NPC1L1: variants seen among roughly 807,000 people sequenced by gnomAD.
The protein encoded by NPC1L1 is NPC1 like intracellular cholesterol transporter 1.
A neutral mutation model predicts 117.0 loss-of-function variants in NPC1L1; 98 were observed. The observed-to-expected ratio is 0.84, with a 90% CI of 0.71 to 0.99. The LOEUF (loss-of-function observed/expected upper bound fraction) is 0.99, where lower values mean the gene tolerates loss of function less well. NPC1L1 is among the 50% of genes least tolerant of loss of function. The probability of loss-of-function intolerance (pLI) is 0.00; values close to 1 mark genes in which losing one functional copy is unlikely to be tolerated. For missense variants in NPC1L1, 1,540 were observed against 1,710.0 expected, an observed-to-expected ratio of 0.90 and a Z score of 1.75; for synonymous variants, 729 against 727.6, an observed-to-expected ratio of 1.00 and a Z score of -0.03.
rs1585155210 is a variant in NPC1L1 at position 44,540,193 on chromosome 7, A to G, written c.204T>C (p.Gly68=). Residue 68 remains glycine, a synonymous_variant, in exon 2 of 19, where the codon GGT becomes GGC. Transcript: ENST00000381160. ...TCTTCTGTAATAGGATCAGGTGATC[A>G]CCTGTGATCTTGCGGGCCGGCGTGT... ...LSNTPARKIT[G]DHLILLQKIC... 1 of 1,613,946 alleles carries G rather than the reference A, an allele frequency of 6.2e-7. No individual in the cohort carries two copies. Among genetic ancestry groups the G allele is most frequent in the East Asian group, 2.2e-5 (1 of 44,860 alleles).
chr7:44,526,423 C>T (rs1405643259), intron 10 of NPC1L1, among the ~76,000 whole-genome samples: 1 of 151,538 alleles, frequency 6.6e-6, no homozygotes, highest in East Asian at 1.9e-4. Flanking sequence ...GAGGCATGCA[C>T]CTGTAATCCC....
At position 44,539,445 on chromosome 7, in the gene NPC1L1, C is replaced by T. The variant is rs756946664; in HGVS notation, c.952G>A (p.Asp318Asn). The T allele has an allele frequency of 6.2e-7, 1 of 1,613,986 alleles. No individual in the cohort carries two copies. The highest frequency in any genetic ancestry group is 1.7e-5 in the Admixed American group (1 of 60,022). The change falls in exon 2 of 19, where the codon GAC becomes AAC. Residue 318 changes from aspartate to asparagine, a missense_variant. Physicochemically the swap from Asp to Asn is conservative, Grantham distance 23. Transcript: ENST00000381160. This position sits in a 1 kb window ranked among gnomAD's most constrained non-coding sequence, Gnocchi z 4.4. ...APARDKSKMV[D>N]PKKGTSLSDK... Reference sequence around the variant, plus strand: ...GAGAGGCTGGTGCCCTTCTTGGGGTCCACCATCTTGCTTTTGTCCCTGGCG... The same window carrying T: ...GAGAGGCTGGTGCCCTTCTTGGGGTTCACCATCTTGCTTTTGTCCCTGGCG...
Position 44,538,674 on chromosome 7 carries a change from G to T in NPC1L1, c.1580+143C>A. 1.2e-6 allele frequency: 1 copy of T among 813,306 alleles called. No homozygotes were observed. The highest frequency in any genetic ancestry group is 2.1e-6 in the Non-Finnish European group (1 of 484,080). 50.4% of individuals were successfully genotyped at this position (813,306 alleles called of 1,614,324 possible). ...GGACGAGGGGCAGAGATAATCATCT[G>T]GGCGGCCCCAGGCCAGAGCCGTAGG... On this transcript the variant is annotated intron_variant, in intron 2 of 18. Transcript: ENST00000381160. This position sits in a 1 kb window ranked among gnomAD's most constrained non-coding sequence, Gnocchi z 5.9.
rs1294579192 is a variant in NPC1L1 at position 44,513,279 on chromosome 7, T to A, written c.*168A>T. On this transcript the variant is annotated 3_prime_UTR_variant, in exon 19 of 19. Coordinates refer to ENST00000381160, the MANE Select transcript of NPC1L1 (RefSeq NM_001101648.2). ...ATGGGAGCAGAGGAGCCATCAGTGG[T>A]GCTGCCTGGATACCTCAAGAGCAGG... 4 of 689,982 alleles carry A rather than the reference T, an allele frequency of 5.8e-6. No homozygotes were observed. The highest frequency in any genetic ancestry group is 1.0e-5 in the Non-Finnish European group (4 of 388,558). 42.7% of individuals were successfully genotyped at this position (689,982 alleles called of 1,614,324 possible). A position where few individuals can be genotyped will look rare whatever the true frequency, so the allele number is the denominator to read the frequency against.
Position 44,536,771 on chromosome 7 carries a change from C to T in NPC1L1, c.1681+71G>A. 1 of 1,378,180 alleles carries T rather than the reference C, an allele frequency of 7.3e-7. No homozygotes were observed. Among genetic ancestry groups the T allele is most frequent in the East Asian group, 2.3e-5 (1 of 43,254 alleles). 85.4% of individuals were successfully genotyped at this position (1,378,180 alleles called of 1,614,324 possible). ...GCGAGAATCCCCAGCACCACTCCCA[C>T]CCTCCCGTCTATGGTTCCTGCCCCA... On this transcript the variant is annotated intron_variant, in intron 3 of 18. Transcript: ENST00000381160. The surrounding 1 kb of genome is among the most constrained non-coding windows in gnomAD (Gnocchi z 4.7).
Position 44,534,599 on chromosome 7 carries a change from C to T in NPC1L1, c.2014G>A (p.Gly672Arg), listed in dbSNP as rs755881757. 4.3e-5 allele frequency: 69 copies of T among 1,613,990 alleles called. No homozygotes were observed. The highest frequency in any genetic ancestry group is 5.4e-5 in the Non-Finnish European group (64 of 1,179,994). Residue 672 changes from glycine to arginine, a missense_variant, in exon 6 of 19, where the codon GGG (glycine) becomes AGG (arginine). By Grantham distance (125) the Gly-to-Arg change is moderately radical. Transcript: ENST00000381160. This position sits in a 1 kb window ranked among gnomAD's most constrained non-coding sequence, Gnocchi z 5.2. Reference sequence around the variant, plus strand: ...ACTGCTCCCAGGACCACGGCCACCCCGCCGAGGCCCAGCGTGGCCTTGGAG... The same window carrying T: ...ACTGCTCCCAGGACCACGGCCACCCTGCCGAGGCCCAGCGTGGCCTTGGAG... Reference protein sequence around the residue: ...VDSKATLGLGGVAVVLGAVMA... With the variant: ...VDSKATLGLGRVAVVLGAVMA...
chr7:44,533,804 G>C lies in NPC1L1; in HGVS notation c.2216C>G (p.Ala739Gly), dbSNP rs1442087641. 3 of 1,613,870 alleles carry C rather than the reference G, an allele frequency of 1.9e-6. No homozygotes were observed. Among genetic ancestry groups the C allele is most frequent in the South Asian group, 1.1e-5 (1 of 91,006 alleles). ...GEPREVHIGR[A>G]LGRVAPSMLL... Reference sequence around the variant, plus strand: ...CATGCTGGGAGCCACCCTGCCTAGGGCTCGCCCAATGTGGACCTCTCGTGG... The same window carrying C: ...CATGCTGGGAGCCACCCTGCCTAGGCCTCGCCCAATGTGGACCTCTCGTGG... The change falls in exon 7 of 19, where the codon GCC becomes GGC. Residue 739 changes from alanine (A) to glycine (G), a missense_variant. Transcript: ENST00000381160.
rs759856847 is a variant in NPC1L1 at position 44,534,455 on chromosome 7, C to G, written c.2158G>C (p.Glu720Gln). 1.1e-5 allele frequency: 18 copies of G among 1,613,842 alleles called. No individual in the cohort carries two copies. Among genetic ancestry groups the G allele is most frequent in the Non-Finnish European group, 1.4e-5 (17 of 1,179,958 alleles). ...GADNIFIFVL[E>Q]YQRLPRRPGE... is the part of the protein sequence containing the mutation. ...AGCTCCTCCCTTCTTACCTGGTACT[C>G]GAGAACAAAGATGAAGATGTTATCA... The change falls in exon 6 of 19, where the codon GAG becomes CAG. Residue 720 changes from glutamate (E) to glutamine (Q), a missense_variant. Transcript: ENST00000381160. The surrounding 1 kb of genome is among the most constrained non-coding windows in gnomAD (Gnocchi z 5.2).
chr7:44,518,865 G>T (rs1801270130), intron 14 of NPC1L1, among the ~76,000 whole-genome samples: 2 of 152,010 alleles, frequency 1.3e-5, no homozygotes, highest in African/African-American at 2.4e-5. Context: ...ACACACAAAT[G>T]CCCAGCCCAG....
rs1802094751 is a variant in NPC1L1, at chr7:44,541,250, C to T, written c.10G>A (p.Ala4Thr). 6.5e-7 allele frequency: 1 copy of T among 1,549,800 alleles called. No homozygotes were observed. The highest frequency in any genetic ancestry group is 1.4e-5 in the African/African-American group (1 of 73,054). Residue 4 changes from alanine to threonine, a missense_variant, in exon 1 of 19, where the codon GCC becomes ACC. Around this residue, in one of 3 missense-constraint regions of NPC1L1, gnomAD observed 793 missense variants for 820.4 expected, o/e 0.97. Coordinates refer to ENST00000381160, the MANE Select transcript of NPC1L1 (RefSeq NM_001101648.2). ...CACAGCAGCCAGCCCCTCAGGCCGG[C>T]CTCCGCCATCCCAGGTCTGGGAAGG... MAE[A>T]GLRGWLLWAL...
At chr7:44,527,044 A>T (rs988658533) in intron 10 of NPC1L1, among the ~76,000 whole-genome samples, 10 of 152,122 alleles carry the variant, frequency 6.6e-5, no homozygotes, top group African/African-American at 1.4e-4. Context: ...AAAAAATTTT[A>T]AAAAATTAAA....
intron 14 of NPC1L1, chr7:44,518,530 A>T (rs1801256726): frequency 3.5e-6 from 1 of 286,410 alleles, no homozygotes; most frequent in Non-Finnish European, 7.1e-6. Context: ...TTAGCTGAGC[A>T]TAGTGGCATG....
rs201867049 is a variant in NPC1L1 at position 44,534,540 on chromosome 7, A to T, written c.2073T>A (p.Gly691=). 2 of 1,614,076 alleles carry T rather than the reference A, an allele frequency of 1.2e-6. No homozygotes were observed. The highest frequency in any genetic ancestry group is 2.7e-5 in the African/African-American group (2 of 74,934). ...MAAMGFFSYL[G]IRSSLVILQV... ...GCAGGATGACCAGGGAGGAGCGGAT[A>T]CCCAAGTAGGAGAAGAAGCCCATGG... is the stretch of plus-strand genomic sequence containing the variant. The change falls in exon 6 of 19, where the codon GGT becomes GGA. Residue 691 remains glycine, a synonymous_variant. Coordinates refer to ENST00000381160, the MANE Select transcript of NPC1L1 (RefSeq NM_001101648.2). The surrounding 1 kb of genome is among the most constrained non-coding windows in gnomAD (Gnocchi z 5.2).
At position 44,516,933 on chromosome 7, in the gene NPC1L1, T is replaced by C. The variant is rs1323851832; in HGVS notation, c.3289A>G (p.Ile1097Val). 1 of 1,612,296 alleles carries C rather than the reference T, an allele frequency of 6.2e-7. No individual in the cohort carries two copies. The highest frequency in any genetic ancestry group is 1.7e-5 in the Admixed American group (1 of 59,834). ...TACTGCTCATAAAACACATTGGTGA[T>C]CCTGCCAGAGCACAGAGCATGGTCA... is the stretch of plus-strand genomic sequence containing the variant. The part of the protein sequence containing the change: ...DPAFEVFPYT[I>V]TNVFYEQYLT... The change falls in exon 16 of 19, where the codon ATC becomes GTC. Residue 1097 changes from isoleucine to valine, a missense_variant and splice_region_variant. By Grantham distance (29) the Ile-to-Val change is conservative. Around this residue, in one of 3 missense-constraint regions of NPC1L1, gnomAD observed 742 missense variants for 873.6 expected, o/e 0.85. Transcript: ENST00000381160.
intron 10 of NPC1L1, among the ~76,000 whole-genome samples, chr7:44,526,533 T>G (rs1404891600): frequency 1.9e-4 from 23 of 122,354 alleles, no homozygotes; most frequent in Non-Finnish European, 2.9e-4. Context: ...TGGGTGACAG[T>G]GAGACTCCAT....
Position 44,516,742 on chromosome 7 carries a change from G to A in NPC1L1, c.3480C>T (p.Gly1160=), listed in dbSNP as rs894640704. ...TGAGGGACACAGCATTGTAACTGAT[G>A]CCCCACAGGGCCATGAAGCCGACAG... ...VDTVGFMALW[G]ISYNAVSLIN... is the part of the protein sequence containing the mutation. Residue 1160 remains glycine, a synonymous_variant, in exon 16 of 19, where the codon GGC becomes GGT. Transcript: ENST00000381160. 2 of 1,613,010 alleles carry A rather than the reference G, an allele frequency of 1.2e-6. No homozygotes were observed. The highest frequency in any genetic ancestry group is 1.3e-5 in the African/African-American group (1 of 74,886).
intron 18 of NPC1L1, among the ~76,000 whole-genome samples, chr7:44,514,574 A>G (rs1402895807): frequency 6.6e-6 from 1 of 152,230 alleles, no homozygotes; most frequent in Non-Finnish European, 1.5e-5. Context: ...AGGCTGAGAC[A>G]GGAGAATCGC....
At chr7:44,525,752 A>G (rs1270824813) in intron 10 of NPC1L1, among the ~76,000 whole-genome samples, 1 of 152,214 alleles carries the variant, frequency 6.6e-6, no homozygotes, top group East Asian at 1.9e-4. Context: ...TTTTTAAAAA[A>G]TAGAAAATAT....
At position 44,531,844 on chromosome 7, in the gene NPC1L1, G is replaced by A. The variant is rs764425939; in HGVS notation, c.2548C>T (p.Leu850=). The A allele has an allele frequency of 1.0e-5, 16 of 1,578,362 alleles. No individual in the cohort carries two copies. In the South Asian group the frequency reaches 1.9e-4, roughly 18 times the overall value. Residue 850 remains leucine, a splice_region_variant and synonymous_variant, in exon 10 of 19, where the codon CTG becomes TTG. Coordinates refer to ENST00000381160, the MANE Select transcript of NPC1L1 (RefSeq NM_001101648.2). ...CCGAACAGGGCGAGAAACAGCAGCAGCTGAGAAGGGACCTGCTGCATGAGA... is the reference window on the plus strand; with the variant it reads ...CCGAACAGGGCGAGAAACAGCAGCAACTGAGAAGGGACCTGCTGCATGAGA... ...LLHWITRGVV[L]LLFLALFGVS...
Sources: gnomAD v4.1 joint callset for allele counts (sites outside exome capture counted in the v4.1 genomes callset) on GRCh38, gnomAD v4.1.1 for gene constraint, gnomAD v4.1.1 regional missense constraint, Gnocchi (gnomAD v3.1) non-coding constraint, MANE v1.5 for transcripts, NCBI Gene and HGNC (gene_info 2026-07-23, HGNC 2026-07-21) for gene names.